Variants in SORCS3 observed in about 807,000 individuals in gnomAD.
SORCS3 encodes the protein VPS10 domain-containing receptor SorCS3.
In SORCS3, 57 loss-of-function variants were observed where a neutral mutation model predicts 146.3. The ratio of observed to expected loss-of-function variants is 0.39; its 90% CI spans 0.31 to 0.49. The LOEUF is 0.49. Among genes scored for constraint, SORCS3 ranks in the 20% least tolerant of loss-of-function variants. The pLI is 0.92. For missense variants in SORCS3, 1,341 were observed against 1,575.5 expected, an observed-to-expected ratio of 0.85 and a Z score of 2.52; for synonymous variants, 653 against 618.5, an observed-to-expected ratio of 1.06 and a Z score of -0.83.
chr10:104,989,341 AAATT>A (rs1160390859), intron 4 of SORCS3, among the ~76,000 whole-genome samples: 1 of 152,210 alleles, frequency 6.6e-6, no homozygotes, highest in African/African-American at 2.4e-5. Flanking sequence ...TGAGAGGAGA[AAATT>A]AATTATAGAA....
At chr10:104,834,903 A>G (rs889742899) in intron 1 of SORCS3, among the ~76,000 whole-genome samples, 2 of 152,094 alleles carry the variant, frequency 1.3e-5, no homozygotes, top group East Asian at 1.9e-4. Flanking sequence ...TTTGCTTGCT[A>G]TGGGCAAGAT....
chr10:104,865,534 C>T (rs549352017), intron 2 of SORCS3, among the ~76,000 whole-genome samples: 172 of 151,926 alleles, frequency 1.1e-3, no homozygotes, highest in African/African-American at 4.1e-3. Context: ...AGAACTAAAA[C>T]CAGCGCACTT....
At chr10:105,067,755 T>C (rs1229373504) in intron 5 of SORCS3, among the ~76,000 whole-genome samples, 1 of 152,150 alleles carries the variant, frequency 6.6e-6, no homozygotes, top group South Asian at 2.1e-4. Context: ...TAATTTCTCA[T>C]CCTACTTGAC....
intron 1 of SORCS3, among the ~76,000 whole-genome samples, chr10:104,815,869 C>T (rs531951690): frequency 5.9e-5 from 9 of 151,818 alleles, no homozygotes; most frequent in Non-Finnish European, 1.2e-4. Flanking sequence ...TATATTCATA[C>T]GTTTTTTCCC....
At chr10:104,999,136 C>T (rs531655844) in intron 4 of SORCS3, among the ~76,000 whole-genome samples, 7 of 152,046 alleles carry the variant, frequency 4.6e-5, no homozygotes, top group Admixed American at 6.6e-5. Flanking sequence ...ATTTTAAAAC[C>T]GTCCCTTTTT....
chr10:105,146,663 G>A (rs1339618426), intron 8 of SORCS3, among the ~76,000 whole-genome samples: 1 of 152,010 alleles, frequency 6.6e-6, no homozygotes, highest in Admixed American at 6.6e-5. Context: ...CCATTATGTT[G>A]GAGTCAGACC....
intron 2 of SORCS3, among the ~76,000 whole-genome samples, chr10:104,860,461 C>A (rs1028407619): frequency 5.5e-5 from 8 of 145,556 alleles, no homozygotes; most frequent in Middle Eastern, 3.4e-3. Context: ...GGAGATATAC[C>A]TAATGCTAAA....
intron 3 of SORCS3, among the ~76,000 whole-genome samples, chr10:104,941,803 C>T (rs923033333): frequency 6.8e-6 from 1 of 146,176 alleles, no homozygotes; most frequent in Non-Finnish European, 1.5e-5. Flanking sequence ...CTTGCTCTGG[C>T]TCCAAAGCAA....
intron 3 of SORCS3, among the ~76,000 whole-genome samples, chr10:104,924,030 G>T (rs980623360): frequency 1.3e-5 from 2 of 152,184 alleles, no homozygotes; most frequent in African/African-American, 4.8e-5. Flanking sequence ...CATGCAATTT[G>T]CAGATGATGG....
At chr10:104,995,128 T>TTTTTTCTTTTTC (rs1196792853) in intron 4 of SORCS3, among the ~76,000 whole-genome samples, 1 of 151,820 alleles carries the variant, frequency 6.6e-6, no homozygotes, top group African/African-American at 2.4e-5. Flanking sequence ...TTGGCTTTTC[T>TTTTTTCTTTTTC]TTTTTCTTTT....
intron 9 of SORCS3, among the ~76,000 whole-genome samples, chr10:105,151,764 G>A (rs2056169400): frequency 6.6e-6 from 1 of 151,818 alleles, no homozygotes; most frequent in African/African-American, 2.4e-5. Context: ...TTTCAAATCT[G>A]TTGGAGTTGT....
At chr10:104,676,330 G>C (rs959087835) in intron 1 of SORCS3, among the ~76,000 whole-genome samples, 3 of 152,152 alleles carry the variant, frequency 2.0e-5, no homozygotes, top group Non-Finnish European at 2.9e-5. Flanking sequence ...CATCATGTTT[G>C]CTATAGGTGG....
intron 2 of SORCS3, among the ~76,000 whole-genome samples, chr10:104,877,727 G>C (rs753282334): frequency 3.3e-5 from 5 of 152,172 alleles, no homozygotes; most frequent in African/African-American, 4.8e-5. Context: ...ATTGTGCCAG[G>C]TGATAAGAAA....
intron 14 of SORCS3, among the ~76,000 whole-genome samples, chr10:105,191,534 C>G (rs1252935292): frequency 6.6e-6 from 1 of 152,030 alleles, no homozygotes; most frequent in African/African-American, 2.4e-5. Context: ...CCAAGTAGTC[C>G]AAAGGTTAGT....
chr10:104,751,924 C>CAT (rs71482435), intron 1 of SORCS3, among the ~76,000 whole-genome samples: 1,936 of 37,938 alleles, frequency 0.051, 171 homozygotes, highest in Non-Finnish European at 0.082. Flanking sequence ...TAATAGGAAG[C>CAT]ATATATATAT....
rs565561939 is a variant in SORCS3 at position 104,797,361 on chromosome 10, A to T, written c.628-45431A>T. Among the ~76,000 whole-genome samples the T allele has an allele frequency of 1.1e-4, 17 of 152,348 alleles. No homozygotes were observed. The East Asian group carries it at 1.5e-3, about 14-fold the overall frequency. The stretch of plus-strand genomic sequence containing the variant: ...AATACGGTTTTTACAACGAGCTTTG[A>T]TATGGCTTGGATGCCCACCAAATAA... On this transcript the variant is annotated intron_variant, in intron 1 of 26. Transcript: ENST00000369701.
chr10:104,868,194 C>G (rs2018480478), intron 2 of SORCS3, among the ~76,000 whole-genome samples: 1 of 152,224 alleles, frequency 6.6e-6, no homozygotes, highest in Non-Finnish European at 1.5e-5. Context: ...GGGATAATGT[C>G]TTGGCTGCCA....
At chr10:104,723,676 A>G (rs1026043249) in intron 1 of SORCS3, among the ~76,000 whole-genome samples, 9 of 152,192 alleles carry the variant, frequency 5.9e-5, no homozygotes, top group African/African-American at 1.7e-4. Context: ...TATTGGGTGC[A>G]TATATATTTA....
chr10:105,006,027 C>T (rs59148578), intron 4 of SORCS3, among the ~76,000 whole-genome samples: 7,004 of 152,248 alleles, frequency 0.046, 185 homozygotes, highest in Middle Eastern at 0.079. Flanking sequence ...TCACAACTTC[C>T]GTCCCTTGGG....
Sources: allele counts gnomAD v4.1 joint callset (sites outside exome capture counted in the v4.1 genomes callset), GRCh38; gene constraint gnomAD v4.1.1; transcripts MANE v1.5; gene names NCBI Gene and HGNC (gene_info 2026-07-23, HGNC 2026-07-21).